CNTN1: variants seen among roughly 807,000 people sequenced by gnomAD.
CNTN1 encodes contactin 1.
A neutral mutation model predicts 126.4 loss-of-function variants in CNTN1; 38 were observed. That is an observed-to-expected ratio of 0.30 (90% CI 0.23 to 0.39). The LOEUF is 0.39. Among genes scored for constraint, CNTN1 ranks in the 10% least tolerant of loss-of-function variants. The pLI, the probability that CNTN1 is intolerant of heterozygous loss-of-function variation, is 1.00. For missense variants in CNTN1, 1,009 were observed against 1,248.4 expected (o/e 0.81, Z 2.89); for synonymous variants, 413 against 422.6 (o/e 0.98, Z 0.28).
At chr12:40,749,343 C>T (rs1436179764) in intron 1 of CNTN1, among the ~76,000 whole-genome samples, 1 of 152,088 alleles carries the variant, frequency 6.6e-6, no homozygotes, top group Non-Finnish European at 1.5e-5. Flanking sequence ...CCACAATTCA[C>T]TGATTTCTTT....
intron 7 of CNTN1, among the ~76,000 whole-genome samples, chr12:40,931,349 C>T (rs1383690519): frequency 6.6e-6 from 1 of 151,946 alleles, no homozygotes; most frequent in African/African-American, 2.4e-5. Context: ...GCCTCTCTGA[C>T]AAATTTCATA....
intron 1 of CNTN1, among the ~76,000 whole-genome samples, chr12:40,736,844 T>C (rs144206750): frequency 5.3e-5 from 8 of 152,164 alleles, no homozygotes; most frequent in African/African-American, 1.9e-4. Context: ...AAACAATGGC[T>C]AACCTAATCA....
intron 1 of CNTN1, among the ~76,000 whole-genome samples, chr12:40,779,541 C>T (rs1592078196): frequency 6.6e-6 from 1 of 151,836 alleles, no homozygotes; most frequent in African/African-American, 2.4e-5. Context: ...TCCTAAACAT[C>T]AGTGGCCAGG....
chr12:41,053,731 A>G (rs1949739624), intron 23 of CNTN1, among the ~76,000 whole-genome samples: 2 of 151,416 alleles, frequency 1.3e-5, no homozygotes, highest in South Asian at 4.1e-4. Context: ...CAAATAATAT[A>G]ATGCTAGCTC....
intron 1 of CNTN1, among the ~76,000 whole-genome samples, chr12:40,721,334 C>T (rs1244814100): frequency 6.6e-6 from 1 of 151,986 alleles, no homozygotes; most frequent in African/African-American, 2.4e-5. Flanking sequence ...TAGGCAGGAC[C>T]ACCTCCTTTT....
At chr12:40,878,150 A>G (rs1256023697) in intron 1 of CNTN1, among the ~76,000 whole-genome samples, 2 of 151,418 alleles carry the variant, frequency 1.3e-5, no homozygotes, top group Non-Finnish European at 2.9e-5. Flanking sequence ...GGCATGCACC[A>G]CCAAGCCCGG....
chr12:40,767,372 G>A (rs1939143779), intron 1 of CNTN1, among the ~76,000 whole-genome samples: 1 of 129,232 alleles, frequency 7.7e-6, no homozygotes, highest in Non-Finnish European at 1.5e-5. Flanking sequence ...GCAGTGGCAC[G>A]ATCTCGGCTC....
intron 23 of CNTN1, among the ~76,000 whole-genome samples, chr12:41,032,498 C>T (rs1949168776): frequency 6.6e-6 from 1 of 152,130 alleles, no homozygotes; most frequent in South Asian, 2.1e-4. Context: ...AGTGCTTTGT[C>T]CCTTTCTCTG....
rs370836345 is a variant in CNTN1, at chr12:40,813,715, T to C, written c.-76-94642T>C. 2.2e-3 allele frequency among the ~76,000 whole-genome samples: 328 copies of C among 152,286 alleles called. 1 individual carries two copies. Among genetic ancestry groups the C allele is most frequent in the African/African-American group, 7.6e-3 (314 of 41,566 alleles). On this transcript the variant is annotated intron_variant, in intron 1 of 23. Coordinates refer to ENST00000551295, the MANE Select transcript of CNTN1 (RefSeq NM_001843.4). ...ATTCCTTTGGGTATATACCCAGTAA[T>C]GGGATTGCTGGGTCAAATGGTATTT...
intron 15 of CNTN1, among the ~76,000 whole-genome samples, chr12:40,965,465 T>G (rs1448790087): frequency 6.6e-6 from 1 of 152,210 alleles, no homozygotes; most frequent in East Asian, 1.9e-4. Context: ...CTTTTACTAA[T>G]TTTTACTAAA....
chr12:41,025,718 C>G lies in CNTN1; in HGVS notation c.2710+382C>G, dbSNP rs569791718. Reference sequence around the variant, plus strand: ...TTTTTACATGCTTTAATTTATAAACCTCTGTCATTGCACAGTGCAATGCAA... The same window carrying G: ...TTTTTACATGCTTTAATTTATAAACGTCTGTCATTGCACAGTGCAATGCAA... On this transcript the variant is annotated intron_variant, in intron 21 of 23. Coordinates refer to ENST00000551295, the MANE Select transcript of CNTN1 (RefSeq NM_001843.4). Among the ~76,000 whole-genome samples, 5 of 152,170 alleles carry G rather than the reference C, an allele frequency of 3.3e-5. No homozygotes were observed. In the East Asian group the frequency reaches 7.7e-4, roughly 24 times the overall value.
chr12:41,061,447 G>T (rs1592481684), intron 23 of CNTN1, among the ~76,000 whole-genome samples: 1 of 152,062 alleles, frequency 6.6e-6, no homozygotes, highest in Non-Finnish European at 1.5e-5. Context: ...AACAAACAAA[G>T]ATCTATTTTG....
intron 1 of CNTN1, among the ~76,000 whole-genome samples, chr12:40,809,910 A>G (rs1012180226): frequency 6.6e-6 from 1 of 152,052 alleles, no homozygotes; most frequent in Non-Finnish European, 1.5e-5. Flanking sequence ...AACTCTACAG[A>G]TTGTTTTTAA....
At chr12:40,820,058 GT>G (rs1941397281) in intron 1 of CNTN1, among the ~76,000 whole-genome samples, 1 of 152,158 alleles carries the variant, frequency 6.6e-6, no homozygotes, top group African/African-American at 2.4e-5. Flanking sequence ...TGCTTATTAT[GT>G]TTTTATAAGA....
chr12:41,016,134 A>G (rs1948774585), intron 18 of CNTN1, among the ~76,000 whole-genome samples: 1 of 151,880 alleles, frequency 6.6e-6, no homozygotes, highest in Admixed American at 6.6e-5. Context: ...TATTACTTGA[A>G]GCCCTGTTCT....
At chr12:40,752,975 C>T (rs886746731) in intron 1 of CNTN1, among the ~76,000 whole-genome samples, 2 of 152,028 alleles carry the variant, frequency 1.3e-5, no homozygotes, top group Non-Finnish European at 2.9e-5. Context: ...ACCTAGAATC[C>T]CTTCATTACC....
chr12:40,864,259 A>G (rs1943222693), intron 1 of CNTN1, among the ~76,000 whole-genome samples: 1 of 151,694 alleles, frequency 6.6e-6, no homozygotes, highest in African/African-American at 2.4e-5. Context: ...ACCTCAGGTG[A>G]TCTACCTGCC....
chr12:40,945,428 G>A (rs562904615), intron 14 of CNTN1, among the ~76,000 whole-genome samples: 1 of 151,946 alleles, frequency 6.6e-6, no homozygotes, highest in Admixed American at 6.6e-5. Context: ...CAAAAAGTAG[G>A]CTTCTGAATT....
At chr12:40,706,917 C>T (rs998737552) in intron 1 of CNTN1, among the ~76,000 whole-genome samples, 1 of 152,218 alleles carries the variant, frequency 6.6e-6, no homozygotes, top group Non-Finnish European at 1.5e-5. Context: ...CAGGAATCTG[C>T]ATTTCTAACA....
Sources: gnomAD v4.1 joint callset for allele counts (sites outside exome capture counted in the v4.1 genomes callset) on GRCh38, gnomAD v4.1.1 for gene constraint, MANE v1.5 for transcripts, NCBI Gene and HGNC (gene_info 2026-07-23, HGNC 2026-07-21) for gene names.